The following GIN1 variants were observed in gnomAD, a reference collection of about 807,000 sequenced individuals.
GIN1 encodes gypsy retrotransposon integrase 1.
Under a neutral mutation model 51.4 loss-of-function variants are expected in GIN1, and 41 were observed. The ratio of observed to expected loss-of-function variants is 0.80; its 90% CI spans 0.62 to 1.04. The LOEUF (loss-of-function observed/expected upper bound fraction) is 1.04. GIN1 is among the 50% of genes least tolerant of loss of function. The pLI, the probability that GIN1 is intolerant of heterozygous loss-of-function variation, is 0.00. For missense variants in GIN1, 610 were observed against 612.4 expected (o/e 1.00, Z 0.04); for synonymous variants, 222 against 206.5 (o/e 1.07, Z -0.64).
At chr5:103,094,470 A>C (rs946430382) in intron 7 of GIN1, among the ~76,000 whole-genome samples, 1 of 152,152 alleles carries the variant, frequency 6.6e-6, no homozygotes, top group Non-Finnish European at 1.5e-5. Flanking sequence ...AAAGAATTCA[A>C]GTATGAGGCA....
intron 1 of GIN1, among the ~76,000 whole-genome samples, chr5:103,109,325 C>T (rs1307585715): frequency 3.3e-5 from 5 of 152,000 alleles, no homozygotes; most frequent in South Asian, 2.1e-4. Context: ...AGGATTCTGA[C>T]ATAAATCTTA....
chr5:103,089,436 T>TTTCA (rs10540235), intron 7 of GIN1, among the ~76,000 whole-genome samples: 222 of 151,716 alleles, frequency 1.5e-3, no homozygotes, highest in Middle Eastern at 6.8e-3. Context: ...TTTACTTATT[T>TTTCA]TTCATTCATT....
At chr5:103,116,095 T>C (rs1788023751) in intron 1 of GIN1, among the ~76,000 whole-genome samples, 1 of 152,086 alleles carries the variant, frequency 6.6e-6, no homozygotes, top group African/African-American at 2.4e-5. Context: ...GCAGTCCCAA[T>C]CAGGAACCCT....
At chr5:103,112,118 T>C (rs1554196983) in intron 1 of GIN1, among the ~76,000 whole-genome samples, 1 of 152,106 alleles carries the variant, frequency 6.6e-6, no homozygotes, top group Non-Finnish European at 1.5e-5. Flanking sequence ...GAGACTGAGC[T>C]CTTTAAGGTT....
At chr5:103,113,905 A>G (rs188467482) in intron 1 of GIN1, among the ~76,000 whole-genome samples, 133 of 152,306 alleles carry the variant, frequency 8.7e-4, no homozygotes, top group Admixed American at 6.4e-3. Context: ...CATTAAGACC[A>G]TGGCACTAAT....
chr5:103,113,067 C>T, intron 1 of GIN1, among the ~76,000 whole-genome samples: 1 of 152,120 alleles, frequency 6.6e-6, no homozygotes, highest in Non-Finnish European at 1.5e-5. Flanking sequence ...GAACCTTGAA[C>T]TTTATTCCAT....
Position 103,097,379 on chromosome 5 carries a change from T to C in GIN1, c.943A>G (p.Lys315Glu). Residue 315 changes from lysine (K) to glutamate (E), a missense_variant, in exon 6 of 8, where the codon AAA becomes GAA. By Grantham distance (56) the Lys-to-Glu change is moderately conservative. Coordinates refer to ENST00000399004, the MANE Select transcript of GIN1 (RefSeq NM_017676.2). ...GCTTCTTTAATTGCATCTAGAATTT[T>C]GGCAAACATACTTGTATTATCACCA... Reference protein sequence around the residue: ...VDGDNTSMFAKILDAIKEADK... With the variant: ...VDGDNTSMFAEILDAIKEADK... 1.3e-6 allele frequency: 2 copies of C among 1,596,464 alleles called. No individual in the cohort carries two copies. Among genetic ancestry groups the C allele is most frequent in the Non-Finnish European group, 1.7e-6 (2 of 1,164,202 alleles).
intron 7 of GIN1, among the ~76,000 whole-genome samples, chr5:103,092,164 G>A (rs915621779): frequency 5.3e-5 from 8 of 151,964 alleles, no homozygotes; most frequent in South Asian, 2.1e-4. Context: ...CTAAAGGTGC[G>A]TATCACCATG....
In GIN1 at chr5:103,097,645, T is replaced by C. The variant is rs138420837; in HGVS notation, c.776A>G (p.Asn259Ser). ...FLSKHCADHP[N>S]NWDDHLSAVS... Reference sequence around the variant, plus strand: ...AGCTGATAGGTGATCATCCCAATTGTTTGGGTGGTCAGCACAGTGTTTGGA... The same window carrying C: ...AGCTGATAGGTGATCATCCCAATTGCTTGGGTGGTCAGCACAGTGTTTGGA... Residue 259 changes from asparagine (N) to serine (S), a missense_variant, in exon 5 of 8, where the codon AAC becomes AGC. Physicochemically the swap from Asn to Ser is conservative, Grantham distance 46. Transcript: ENST00000399004. 702 of 1,611,690 alleles carry C rather than the reference T, an allele frequency of 4.4e-4. 3 individuals are homozygous for C. The African/African-American group carries it at 8.3e-3, about 19-fold the overall frequency.
chr5:103,106,859 T>C lies in GIN1; in HGVS notation c.190A>G (p.Ile64Val). The C allele has an allele frequency of 1.3e-6, 2 of 1,594,116 alleles. No individual in the cohort carries two copies. Among genetic ancestry groups the C allele is most frequent in the Non-Finnish European group, 1.7e-6 (2 of 1,171,056 alleles). ...GKDRKQNRLV[I>V]VSEEEKKKVL... Reference sequence around the variant, plus strand: ...TTCTTTTTTTCCTCTTCTGAAACAATTACCAAACGATTTTGTTTTCTGTCT... The same window carrying C: ...TTCTTTTTTTCCTCTTCTGAAACAACTACCAAACGATTTTGTTTTCTGTCT... Residue 64 changes from isoleucine to valine, a missense_variant, in exon 3 of 8, where the codon ATT becomes GTT. By Grantham distance (29) the Ile-to-Val change is conservative. Coordinates refer to ENST00000399004, the MANE Select transcript of GIN1 (RefSeq NM_017676.2).
chr5:103,110,847 T>C (rs1424872670), intron 1 of GIN1, among the ~76,000 whole-genome samples: 1 of 152,184 alleles, frequency 6.6e-6, no homozygotes, highest in Non-Finnish European at 1.5e-5. Context: ...AGTTTTACCA[T>C]GCGTATACTC....
Position 103,097,307 on chromosome 5 carries a change from G to C in GIN1, c.1008+7C>G, listed in dbSNP as rs1554195187. Reference sequence around the variant, plus strand: ...TAGATTACAGTTTTTCTATTGAATAGAATCACCTGGCCCAGTGAAGTTGTC... The same window carrying C: ...TAGATTACAGTTTTTCTATTGAATACAATCACCTGGCCCAGTGAAGTTGTC... On this transcript the variant is annotated splice_region_variant and intron_variant, in intron 6 of 7. Transcript: ENST00000399004. 2.6e-6 allele frequency: 4 copies of C among 1,528,490 alleles called. No homozygotes were observed. Among genetic ancestry groups the C allele is most frequent in the Admixed American group, 1.8e-5 (1 of 56,026 alleles). 94.7% of individuals were successfully genotyped at this position (1,528,490 alleles called of 1,614,324 possible).
At position 103,088,029 on chromosome 5, in the gene GIN1, T is replaced by C. The variant is rs1554194125; in HGVS notation, c.1438A>G (p.Ser480Gly). ...GIVDNELLTSSKDRELLEYRN... is the reference protein window; with the variant it reads ...GIVDNELLTSGKDRELLEYRN... ...TATTCTAATAGTTCACGATCCTTGC[T>C]TGATGTCAGTAATTCATTATCGACT... Residue 480 changes from serine (S) to glycine (G), a missense_variant, in exon 8 of 8, where the codon AGC (serine) becomes GGC (glycine). Physicochemically the swap from Ser to Gly is moderately conservative, Grantham distance 56. Transcript: ENST00000399004. The C allele has an allele frequency of 6.2e-7, 1 of 1,610,008 alleles. No individual in the cohort carries two copies. Among genetic ancestry groups the C allele is most frequent in the East Asian group, 2.2e-5 (1 of 44,768 alleles).
rs1554195081 is a variant in GIN1 at position 103,096,577 on chromosome 5, G to A, written c.1258C>T (p.His420Tyr). The A allele has an allele frequency of 6.2e-7, 1 of 1,613,086 alleles. No individual in the cohort carries two copies. The highest frequency in any genetic ancestry group is 8.5e-7 in the Non-Finnish European group (1 of 1,179,142). The stretch of plus-strand genomic sequence containing the variant: ...GATTCTCTTATGTAGGGCTTAAGGT[G>A]GGACATTTTGATAGGTCTTTTCAGT... ...VRLKRPIKMSHLKPYIRESSE... is the reference protein window; with the variant it reads ...VRLKRPIKMSYLKPYIRESSE... The change falls in exon 7 of 8, where the codon CAC becomes TAC. Residue 420 changes from histidine (H) to tyrosine (Y), a missense_variant. His to Tyr is a moderately conservative substitution (Grantham distance 83). Coordinates refer to ENST00000399004, the MANE Select transcript of GIN1 (RefSeq NM_017676.2).
intron 1 of GIN1, among the ~76,000 whole-genome samples, chr5:103,110,162 C>A (rs1787833438): frequency 6.7e-6 from 1 of 148,970 alleles, no homozygotes. Flanking sequence ...AAAGATCTTT[C>A]AAATCTTAGG....
intron 1 of GIN1, 43 bp downstream of exon 1, chr5:103,120,019 TAA>T (rs1263888138): frequency 1.3e-5 from 2 of 155,094 alleles, no homozygotes; most frequent in African/African-American, 4.8e-5. Flanking sequence ...CGCCTCACTT[TAA>T]AAAACAGTAG....
chr5:103,089,631 G>C (rs1399985529), intron 7 of GIN1, among the ~76,000 whole-genome samples: 1 of 151,992 alleles, frequency 6.6e-6, no homozygotes, highest in African/African-American at 2.4e-5. Context: ...TAATTGTGTT[G>C]CCTAGGTTGG....
Position 103,108,664 on chromosome 5 carries a change from A to G in GIN1, c.44T>C (p.Ile15Thr), listed in dbSNP as rs1787792576. ...TTCACCAGTTCGTTTGTAATATGCA[A>G]TCTGTTTAAGATGAAGGTCACCATT... is the stretch of plus-strand genomic sequence containing the variant. ...GKNGDLHLKQ[I>T]AYYKRTGEYH... Residue 15 changes from isoleucine (I) to threonine (T), a missense_variant, in exon 2 of 8, where the codon ATT (isoleucine) becomes ACT (threonine). Ile to Thr is a moderately conservative substitution (Grantham distance 89, BLOSUM62 -1). Transcript: ENST00000399004. 6.2e-7 allele frequency: 1 copy of G among 1,604,172 alleles called. No homozygotes were observed. Among genetic ancestry groups the G allele is most frequent in the Non-Finnish European group, 8.5e-7 (1 of 1,172,014 alleles).
At chr5:103,105,104 A>G (rs1413952191) in intron 3 of GIN1, among the ~76,000 whole-genome samples, 2 of 151,868 alleles carry the variant, frequency 1.3e-5, no homozygotes, top group African/African-American at 2.4e-5. Context: ...CAGCTTATAC[A>G]TGGCTTTTTT....
Sources: gnomAD v4.1 joint callset for allele counts (sites outside exome capture counted in the v4.1 genomes callset) on GRCh38, gnomAD v4.1.1 for gene constraint, MANE v1.5 for transcripts, NCBI Gene and HGNC (gene_info 2026-07-23, HGNC 2026-07-21) for gene names.